PTPRD: variants seen among roughly 807,000 people sequenced by gnomAD.
PTPRD encodes protein tyrosine phosphatase receptor type D.
A neutral mutation model predicts 214.5 loss-of-function variants in PTPRD; 34 were observed. The observed-to-expected ratio is 0.16, with a 90% CI of 0.12 to 0.21. PTPRD has a LOEUF of 0.21. Among genes scored for constraint, PTPRD ranks in the 10% least tolerant of loss-of-function variants. PTPRD has a pLI of 1.00. For missense variants in PTPRD, 2,545 were observed against 2,398.7 expected, an observed-to-expected ratio of 1.06 and a Z score of -1.27; for synonymous variants, 1,128 against 845.7, an observed-to-expected ratio of 1.33 and a Z score of -5.79.
At chr9:8,428,891 A>T (rs1205239631) in intron 35 of PTPRD, among the ~76,000 whole-genome samples, 6 of 152,244 alleles carry the variant, frequency 3.9e-5, no homozygotes, top group Admixed American at 3.9e-4. Flanking sequence ...ACTGTGGCAC[A>T]TGTGGTCAAA....
chr9:9,015,182 T>C (rs1256479065), intron 11 of PTPRD, among the ~76,000 whole-genome samples: 4 of 152,136 alleles, frequency 2.6e-5, no homozygotes, highest in Non-Finnish European at 5.9e-5. Flanking sequence ...AGCAACTCCA[T>C]CTTGAATGGG....
At chr9:10,398,232 T>C (rs1043502582) in intron 2 of PTPRD, among the ~76,000 whole-genome samples, 5 of 151,432 alleles carry the variant, frequency 3.3e-5, no homozygotes, top group African/African-American at 1.2e-4. Context: ...TTAAAAATAA[T>C]TAGCCAGGCA....
At chr9:9,076,446 G>A (rs1246853634) in intron 10 of PTPRD, among the ~76,000 whole-genome samples, 1 of 151,882 alleles carries the variant, frequency 6.6e-6, no homozygotes, top group Non-Finnish European at 1.5e-5. Context: ...TTGCTCCCCT[G>A]TCTAGTACTC....
At chr9:8,741,928 T>C (rs1485636932) in intron 11 of PTPRD, among the ~76,000 whole-genome samples, 1 of 152,126 alleles carries the variant, frequency 6.6e-6, no homozygotes, top group Non-Finnish European at 1.5e-5. Context: ...TATTAGGATA[T>C]TCTGTTCAAC....
At chr9:8,777,696 A>G (rs1038554835) in intron 11 of PTPRD, among the ~76,000 whole-genome samples, 1 of 152,190 alleles carries the variant, frequency 6.6e-6, no homozygotes, top group Non-Finnish European at 1.5e-5. Context: ...AAGGTCAGTG[A>G]TAAAAGAGAG....
chr9:9,720,025 G>A (rs1160787580), intron 7 of PTPRD, among the ~76,000 whole-genome samples: 2 of 152,128 alleles, frequency 1.3e-5, no homozygotes, highest in African/African-American at 4.8e-5. Context: ...GCAGGCATGG[G>A]ATCTGTGTTG....
intron 4 of PTPRD, among the ~76,000 whole-genome samples, chr9:9,953,644 G>C (rs1413731366): frequency 1.3e-5 from 2 of 152,110 alleles, no homozygotes; most frequent in Non-Finnish European, 2.9e-5. Flanking sequence ...CAAATTAACA[G>C]TCTGTGATAT....
intron 3 of PTPRD, among the ~76,000 whole-genome samples, chr9:10,314,643 G>T (rs1412032449): frequency 6.6e-6 from 1 of 151,828 alleles, no homozygotes; most frequent in Non-Finnish European, 1.5e-5. Flanking sequence ...ATTATAAATA[G>T]GTTATAGATT....
intron 2 of PTPRD, among the ~76,000 whole-genome samples, chr9:10,553,030 T>G (rs2061684776): frequency 6.6e-6 from 1 of 152,184 alleles, no homozygotes; most frequent in Admixed American, 6.6e-5. Flanking sequence ...AGAATTCAGC[T>G]GAGGCAGTCT....
intron 9 of PTPRD, among the ~76,000 whole-genome samples, chr9:9,351,988 T>C (rs1188882773): frequency 6.6e-6 from 1 of 151,970 alleles, no homozygotes; most frequent in Admixed American, 6.6e-5. Context: ...TTCATTCTGA[T>C]ATGCAAATAA....
intron 3 of PTPRD, among the ~76,000 whole-genome samples, chr9:10,285,663 G>T (rs10959023): frequency 0.19 from 28,124 of 147,572 alleles, 5,307 homozygotes; most frequent in African/African-American, 0.47. Context: ...CAGGCTGGAG[G>T]GCGGTGGTGC....
At chr9:9,841,976 CAAGG>C (rs976029536) in intron 5 of PTPRD, among the ~76,000 whole-genome samples, 6 of 151,632 alleles carry the variant, frequency 4.0e-5, no homozygotes, top group African/African-American at 1.5e-4. Flanking sequence ...TTTGCTAGGA[CAAGG>C]AAGTAGGATA....
chr9:9,742,967 A>G (rs943243916), intron 6 of PTPRD, among the ~76,000 whole-genome samples: 1 of 152,150 alleles, frequency 6.6e-6, no homozygotes, highest in African/African-American at 2.4e-5. Flanking sequence ...CCTTTCTAAT[A>G]ATTAATAGGC....
chr9:9,067,937 G>A (rs1256500962), intron 10 of PTPRD, among the ~76,000 whole-genome samples: 2 of 152,058 alleles, frequency 1.3e-5, no homozygotes, highest in Non-Finnish European at 2.9e-5. Context: ...ATTACCTCAA[G>A]TGTCCCTCAT....
At chr9:8,785,262 A>C (rs1227418753) in intron 11 of PTPRD, among the ~76,000 whole-genome samples, 1 of 152,236 alleles carries the variant, frequency 6.6e-6, no homozygotes, top group African/African-American at 2.4e-5. Context: ...CTAATCAATG[A>C]AAGAGAAACC....
At chr9:8,493,540 T>A (rs2136341335) in intron 26 of PTPRD, among the ~76,000 whole-genome samples, 1 of 152,332 alleles carries the variant, frequency 6.6e-6, no homozygotes. Context: ...TGGTTGTTGT[T>A]GGACCTAGAT....
At chr9:9,215,524 G>T (rs542954700) in intron 9 of PTPRD, among the ~76,000 whole-genome samples, 26 of 152,264 alleles carry the variant, frequency 1.7e-4, no homozygotes, top group Admixed American at 1.2e-3. Flanking sequence ...TAAGCAGAAT[G>T]GGGGGAGAAA....
At chr9:9,210,944 T>C (rs2099948134) in intron 9 of PTPRD, among the ~76,000 whole-genome samples, 1 of 152,052 alleles carries the variant, frequency 6.6e-6, no homozygotes, top group Non-Finnish European at 1.5e-5. Context: ...ATTATTATTT[T>C]TATTTTTCTG....
At chr9:10,511,569 A>ATTTTTTTTTTTTTT (rs66768632) in intron 2 of PTPRD, among the ~76,000 whole-genome samples, 1 of 127,860 alleles carries the variant, frequency 7.8e-6, no homozygotes. Flanking sequence ...ACACCCTGGT[A>ATTTTTTTTTTTTTT]TTTTTTTTTT....
Sources: allele counts gnomAD v4.1 joint callset (sites outside exome capture counted in the v4.1 genomes callset), GRCh38; gene constraint gnomAD v4.1.1; transcripts MANE v1.5; gene names NCBI Gene and HGNC (gene_info 2026-07-23, HGNC 2026-07-21).